The following TLK2 variants were observed in gnomAD, a reference collection of about 807,000 sequenced individuals.
TLK2 encodes the protein tousled like kinase 2, also known as serine/threonine-protein kinase tousled-like 2.
In TLK2, 6 loss-of-function variants were observed where a neutral mutation model predicts 117.3. The observed-to-expected ratio is 0.05, with a 90% CI of 0.03 to 0.10. The LOEUF (loss-of-function observed/expected upper bound fraction) is 0.10. Ranked by LOEUF, TLK2 falls within the 10% of genes least tolerant of loss-of-function variation. The pLI is 1.00. For synonymous variants in TLK2, 257 were observed against 316.7 expected (o/e 0.81, Z 2.00); for missense variants, 299 against 901.2 (o/e 0.33, Z 8.56).
chr17:62,572,764 C>G (rs1012716049), intron 11 of TLK2: 1 of 153,096 alleles, frequency 6.5e-6, no homozygotes, highest in African/African-American at 2.4e-5. Context: ...TCTTTAGCAT[C>G]CTACAAACTT....
At position 62,581,996 on chromosome 17, in the gene TLK2, C is replaced by G. The variant is rs150859447; in HGVS notation, c.1368+1804C>G. Among the ~76,000 whole-genome samples, 146 of 152,118 alleles carry G rather than the reference C, an allele frequency of 9.6e-4. 2 individuals are homozygous for G. In the East Asian group the frequency reaches 0.025, roughly 26 times the overall value. The stretch of plus-strand genomic sequence containing the variant: ...GTCTCTGTGGCTCATGTCTATAATC[C>G]CAGCACTCTGGGAGCCGAGGCAGGA... On this transcript the variant is annotated intron_variant, in intron 15 of 21. Coordinates refer to ENST00000346027, the MANE Select transcript of TLK2 (RefSeq NM_006852.6).
At chr17:62,516,077 A>G (rs775716918) in intron 2 of TLK2, among the ~76,000 whole-genome samples, 20 of 151,950 alleles carry the variant, frequency 1.3e-4, no homozygotes, top group Non-Finnish European at 2.5e-4. Context: ...GGCGCCCGCC[A>G]CCACGCCCAG....
chr17:62,495,647 T>A (rs1185017448), intron 2 of TLK2, among the ~76,000 whole-genome samples: 14 of 60,570 alleles, frequency 2.3e-4, no homozygotes, highest in Non-Finnish European at 5.1e-4. Flanking sequence ...TAAAAAATTT[T>A]AAAAATTATA....
chr17:62,498,891 C>T (rs2073947354), intron 2 of TLK2, among the ~76,000 whole-genome samples: 1 of 152,106 alleles, frequency 6.6e-6, no homozygotes, highest in Non-Finnish European at 1.5e-5. Flanking sequence ...GAGACACAGT[C>T]TCTCTCTGTC....
intron 21 of TLK2, among the ~76,000 whole-genome samples, chr17:62,611,106 C>A (rs2083722723): frequency 6.6e-6 from 1 of 152,150 alleles, no homozygotes; most frequent in South Asian, 2.1e-4. Context: ...CCCGTGCACT[C>A]CAGCCTGGGT....
rs373399164 is a variant in TLK2 at position 62,530,932 on chromosome 17, C to T, written c.364-5238C>T. Among the ~76,000 whole-genome samples the T allele has an allele frequency of 6.6e-5, 10 of 152,024 alleles. No homozygotes were observed. In the East Asian group the frequency reaches 7.7e-4, roughly 12 times the overall value. On this transcript the variant is annotated intron_variant, in intron 6 of 21. Coordinates refer to ENST00000346027, the MANE Select transcript of TLK2 (RefSeq NM_006852.6). ...ACACAATTGAGCAGTAATTCATTAC[C>T]ATGTTCTAACCCTCCATTGTTACTA...
rs143318181 is a variant in TLK2 at position 62,577,243 on chromosome 17, G to T, written c.1188+468G>T. Among the ~76,000 whole-genome samples, 264 of 152,126 alleles carry T rather than the reference G, an allele frequency of 1.7e-3. 1 individual carries two copies. Among genetic ancestry groups the T allele is most frequent in the African/African-American group, 6.0e-3 (248 of 41,520 alleles). The stretch of plus-strand genomic sequence containing the variant: ...AAAGTGCTGGGATTACGGGTTACAG[G>T]TGTGAGCCACCATGCCTGGCCTATC... On this transcript the variant is annotated intron_variant, in intron 13 of 21. Transcript: ENST00000346027.
At chr17:62,541,927 G>A (rs2077564451) in intron 7 of TLK2, among the ~76,000 whole-genome samples, 1 of 152,152 alleles carries the variant, frequency 6.6e-6, no homozygotes, top group Non-Finnish European at 1.5e-5. Flanking sequence ...AAGACTATCT[G>A]TTTGTACAAA....
At chr17:62,573,429 A>G in intron 12 of TLK2, 62 bp downstream of exon 12, 2 of 1,581,658 alleles carry the variant, frequency 1.3e-6, no homozygotes, top group Non-Finnish European at 1.7e-6. Flanking sequence ...ACAAATGTTG[A>G]TTGTCACCGG....
chr17:62,544,420 A>T (rs2077755306), intron 7 of TLK2, among the ~76,000 whole-genome samples: 1 of 152,158 alleles, frequency 6.6e-6, no homozygotes, highest in Non-Finnish European at 1.5e-5. Flanking sequence ...AAACCATCAG[A>T]TCTCGTGAGA....
Position 62,536,316 on chromosome 17 carries a change from C to T in TLK2, c.510C>T (p.Gly170=), listed in dbSNP as rs367614358. ...DTEQLAQRGA[G]LCFTFVSAQQ... ...AGCAGCTGGCGCAAAGGGGAGCTGG[C>T]CTCTGCTTCACTTTTGTTTCAGTGA... is the stretch of plus-strand genomic sequence containing the variant. The change falls in exon 7 of 22, where the codon GGC becomes GGT. Residue 170 remains glycine (G), a synonymous_variant. Coordinates refer to ENST00000346027, the MANE Select transcript of TLK2 (RefSeq NM_006852.6). The T allele has an allele frequency of 1.1e-5, 18 of 1,612,340 alleles. No individual in the cohort carries two copies. The highest frequency in any genetic ancestry group is 1.4e-5 in the Non-Finnish European group (17 of 1,179,198).
intron 20 of TLK2, 117 bp from the exon 21 acceptor site, chr17:62,607,923 TC>T: frequency 1.3e-6 from 1 of 786,244 alleles, no homozygotes; most frequent in Admixed American, 2.9e-5. Context: ...TCTCCAGAGT[TC>T]CTTGCAGCAA....
At chr17:62,546,225 G>T (rs1307608537) in intron 7 of TLK2, among the ~76,000 whole-genome samples, 1 of 151,906 alleles carries the variant, frequency 6.6e-6, no homozygotes, top group East Asian at 1.9e-4. Context: ...GTTGGCCAGG[G>T]TGGTCTGGAA....
intron 7 of TLK2, among the ~76,000 whole-genome samples, chr17:62,538,956 A>G (rs2077309748): frequency 6.6e-6 from 1 of 152,246 alleles, no homozygotes; most frequent in Non-Finnish European, 1.5e-5. Context: ...GGCTAATAAC[A>G]TGAAATAATG....
At chr17:62,569,434 CTTTT>C (rs200412545) in intron 11 of TLK2, among the ~76,000 whole-genome samples, 1 of 87,218 alleles carries the variant, frequency 1.1e-5, no homozygotes. Flanking sequence ...GAAATACGTG[CTTTT>C]TTTTTTTTTT....
At chr17:62,541,159 A>G (rs2077503654) in intron 7 of TLK2, among the ~76,000 whole-genome samples, 1 of 152,034 alleles carries the variant, frequency 6.6e-6, no homozygotes, top group East Asian at 1.9e-4. Context: ...TAAAATAGCA[A>G]CTTCTCCCCA....
intron 12 of TLK2, among the ~76,000 whole-genome samples, chr17:62,574,634 G>C (rs189246287): frequency 6.6e-6 from 1 of 152,056 alleles, no homozygotes; most frequent in Non-Finnish European, 1.5e-5. Context: ...TCCTGCCTCA[G>C]CCTCCTGAGT....
intron 11 of TLK2, among the ~76,000 whole-genome samples, chr17:62,565,552 C>T (rs1278817401): frequency 2.7e-5 from 4 of 148,992 alleles, no homozygotes; most frequent in African/African-American, 9.9e-5. Flanking sequence ...ACTTGGGAGG[C>T]TGAGGCAGAG....
In TLK2 at chr17:62,511,390, A is replaced by T. The variant is rs2075133124; in HGVS notation, c.82-9383A>T. On this transcript the variant is annotated intron_variant, in intron 2 of 21. Coordinates refer to ENST00000346027, the MANE Select transcript of TLK2 (RefSeq NM_006852.6). ...ACAAAGTACACAACCTTTTATTTTG[A>T]GACAGAGTCTCACCCTGTCACTCAG... Among the ~76,000 whole-genome samples, 3 of 152,336 alleles carry T rather than the reference A, an allele frequency of 2.0e-5. No homozygotes were observed. In the South Asian group the frequency reaches 6.2e-4, roughly 32 times the overall value.
Sources: gnomAD v4.1 joint callset for allele counts (sites outside exome capture counted in the v4.1 genomes callset) on GRCh38, gnomAD v4.1.1 for gene constraint, MANE v1.5 for transcripts, NCBI Gene and HGNC (gene_info 2026-07-23, HGNC 2026-07-21) for gene names.